The following ADCYAP1R1 variants were observed in gnomAD, a reference collection of about 807,000 sequenced individuals.
The protein encoded by ADCYAP1R1 is ADCYAP receptor type I.
Under a neutral mutation model 67.6 loss-of-function variants are expected in ADCYAP1R1, and 44 were observed. That is an observed-to-expected ratio of 0.65 (90% confidence interval 0.51 to 0.84). ADCYAP1R1 has a LOEUF of 0.84. Among genes scored for constraint, ADCYAP1R1 ranks in the 40% least tolerant of loss-of-function variants. The pLI is 0.00. For synonymous variants in ADCYAP1R1, 222 were observed against 219.6 expected, an observed-to-expected ratio of 1.01 and a Z score of -0.10; for missense variants, 477 against 587.9, an observed-to-expected ratio of 0.81 and a Z score of 1.95.
intron 3 of ADCYAP1R1, among the ~76,000 whole-genome samples, chr7:31,071,520 A>G (rs1794978849): frequency 6.6e-6 from 1 of 152,142 alleles, no homozygotes; most frequent in Non-Finnish European, 1.5e-5. Context: ...GACGAAGGGG[A>G]GGACGGGAAC....
intron 13 of ADCYAP1R1, among the ~76,000 whole-genome samples, chr7:31,099,318 G>T (rs1796339562): frequency 6.6e-6 from 1 of 152,236 alleles, no homozygotes. Flanking sequence ...ACTCCCTGCA[G>T]TGATGGGAAT....
At chr7:31,104,186 A>G (rs1330859714) in intron 14 of ADCYAP1R1, among the ~76,000 whole-genome samples, 1 of 152,060 alleles carries the variant, frequency 6.6e-6, no homozygotes, top group Non-Finnish European at 1.5e-5. Context: ...CAGGAGTGAG[A>G]GCCCAGGGCT....
chr7:31,090,996 C>T (rs1295406097), intron 12 of ADCYAP1R1, among the ~76,000 whole-genome samples: 1 of 152,246 alleles, frequency 6.6e-6, no homozygotes, highest in Non-Finnish European at 1.5e-5. Context: ...AATCTCCAAA[C>T]TACTTTCCAT....
chr7:31,096,959 TG>T (rs1796220705), intron 13 of ADCYAP1R1, among the ~76,000 whole-genome samples: 1 of 152,180 alleles, frequency 6.6e-6, no homozygotes, highest in Non-Finnish European at 1.5e-5. Context: ...TTCCTCTGGG[TG>T]TTTCCCAGGG....
intron 1 of ADCYAP1R1, among the ~76,000 whole-genome samples, chr7:31,061,100 C>T (rs1472964587): frequency 1.3e-5 from 2 of 152,228 alleles, no homozygotes; most frequent in Non-Finnish European, 2.9e-5. Flanking sequence ...CGGGGTAGTG[C>T]TGCTGCCACC....
At chr7:31,075,216 C>G (rs1311894339) in intron 3 of ADCYAP1R1, among the ~76,000 whole-genome samples, 1 of 152,164 alleles carries the variant, frequency 6.6e-6, no homozygotes, top group Non-Finnish European at 1.5e-5. Flanking sequence ...CCAGGGACAC[C>G]TAACTGGGAT....
intron 3 of ADCYAP1R1, among the ~76,000 whole-genome samples, chr7:31,072,033 A>G (rs1428219869): frequency 9.3e-6 from 1 of 107,490 alleles, no homozygotes; most frequent in East Asian, 3.2e-4. Flanking sequence ...CCATCAATCT[A>G]CTTGTTCATC....
chr7:31,083,294 G>A (rs2128629218), intron 6 of ADCYAP1R1, among the ~76,000 whole-genome samples: 1 of 152,310 alleles, frequency 6.6e-6, no homozygotes, highest in South Asian at 2.1e-4. Flanking sequence ...ACCATCGGGT[G>A]AAGGGAGAGT....
intron 5 of ADCYAP1R1, 91 bp from the exon 6 acceptor site, chr7:31,081,621 CA>C (rs1490501702): frequency 9.9e-6 from 10 of 1,013,594 alleles, no homozygotes; most frequent in Admixed American, 6.9e-5. Context: ...TCCTGTAGAC[CA>C]GGGGTAGCCT....
chr7:31,097,361 C>T (rs570570367), intron 13 of ADCYAP1R1, among the ~76,000 whole-genome samples: 13 of 152,346 alleles, frequency 8.5e-5, no homozygotes, highest in African/African-American at 2.9e-4. Flanking sequence ...CCCTAATTGT[C>T]GTGACTTTTA....
intron 12 of ADCYAP1R1, among the ~76,000 whole-genome samples, chr7:31,091,854 AT>A (rs370789164): frequency 1.3e-5 from 2 of 151,048 alleles, no homozygotes; most frequent in Non-Finnish European, 3.0e-5. Flanking sequence ...CAGTTCTCCT[AT>A]TTTTTCTTAT....
chr7:31,095,854 T>A, intron 13 of ADCYAP1R1: 1 of 656,726 alleles, frequency 1.5e-6, no homozygotes, highest in East Asian at 2.7e-5. Context: ...CTGGGGCCTC[T>A]GCGGGGGGAC....
At chr7:31,089,953 C>T (rs959128020) in intron 12 of ADCYAP1R1, among the ~76,000 whole-genome samples, 11 of 152,126 alleles carry the variant, frequency 7.2e-5, no homozygotes, top group African/African-American at 1.7e-4. Context: ...CTTAGGTACA[C>T]GTGTGTGTGT....
At chr7:31,077,179 C>G (rs1355648033) in intron 3 of ADCYAP1R1, among the ~76,000 whole-genome samples, 1 of 152,242 alleles carries the variant, frequency 6.6e-6, no homozygotes, top group Non-Finnish European at 1.5e-5. Flanking sequence ...CTCCCGGCCC[C>G]CTGCAAGGGC....
chr7:31,106,350 C>T, intron 15 of ADCYAP1R1, 146 bp from the exon 16 acceptor site: 2 of 980,074 alleles, frequency 2.0e-6, no homozygotes, highest in Non-Finnish European at 2.9e-6. Context: ...CCACTGGAGA[C>T]CTTGAGGGCC....
At position 31,108,634 on chromosome 7, in the gene ADCYAP1R1, G is replaced by A. The variant is rs946714234; in HGVS notation, c.*1950G>A. ...CCAGTTTTCCCATTTGTGAGATGAG[G>A]CAACTTCCAATGCTTCTCTAGGCCC... On this transcript the variant is annotated 3_prime_UTR_variant, in exon 16 of 16. Transcript: ENST00000304166. The A allele has an allele frequency of 3.3e-5, 5 of 152,206 alleles. No individual in the cohort carries two copies. The highest frequency in any genetic ancestry group is 3.3e-4 in the Admixed American group (5 of 15,284). The allele number at this position is 152,206 out of a possible 1,614,324, so 9.4% of individuals were successfully genotyped here.
intron 14 of ADCYAP1R1, among the ~76,000 whole-genome samples, 173 bp from the exon 15 acceptor site, chr7:31,104,695 T>A (rs1310965407): frequency 6.6e-6 from 1 of 152,170 alleles, no homozygotes; most frequent in Non-Finnish European, 1.5e-5. Flanking sequence ...GCCTCATGGG[T>A]GTGCCCATCT....
chr7:31,073,469 C>G (rs556670349), intron 3 of ADCYAP1R1, among the ~76,000 whole-genome samples: 3 of 152,108 alleles, frequency 2.0e-5, no homozygotes, highest in Non-Finnish European at 2.9e-5. Flanking sequence ...ACATATGGGT[C>G]TGTAGAAGCT....
chr7:31,077,868 T>C (rs941701459), intron 3 of ADCYAP1R1, 123 bp from the exon 4 acceptor site: 2 of 580,144 alleles, frequency 3.4e-6, no homozygotes, highest in East Asian at 6.0e-5. Context: ...GTAGCATGTA[T>C]GTTGCTGTGT....
Sources: gnomAD v4.1 joint callset for allele counts (sites outside exome capture counted in the v4.1 genomes callset) on GRCh38, gnomAD v4.1.1 for gene constraint, MANE v1.5 for transcripts, NCBI Gene and HGNC (gene_info 2026-07-23, HGNC 2026-07-21) for gene names.